The following RBM33 variants were observed in gnomAD, a reference collection of about 807,000 sequenced individuals.
RBM33 encodes the protein RNA binding motif protein 33.
In RBM33, 28 loss-of-function variants were observed where a neutral mutation model predicts 132.6. The observed-to-expected ratio is 0.21, with a 90% CI of 0.16 to 0.29. The LOEUF (loss-of-function observed/expected upper bound fraction) is 0.29. RBM33 is among the 10% of genes least tolerant of loss of function. RBM33 has a pLI of 1.00. For missense variants in RBM33, 1,291 were observed against 1,518.5 expected, an observed-to-expected ratio of 0.85 and a Z score of 2.49; for synonymous variants, 634 against 593.0, an observed-to-expected ratio of 1.07 and a Z score of -1.01.
intron 1 of RBM33, chr7:155,645,246 GC>G (rs539572557): frequency 2.4e-4 from 66 of 276,952 alleles, no homozygotes; most frequent in East Asian, 4.6e-4. Flanking sequence ...GTAGGAGAGC[GC>G]CCCCCCCACC....
At position 155,778,497 on chromosome 7, in the gene RBM33, A is replaced by G. The variant is rs183786794; in HGVS notation, c.*3456A>G. ...CAGTGTTAATAATCAACTTGCTTCT[A>G]ACACACTGGCTTATCAGGGGAGGTC... On this transcript the variant is annotated 3_prime_UTR_variant, in exon 18 of 18. Coordinates refer to ENST00000401878, the MANE Select transcript of RBM33 (RefSeq NM_053043.3). This position sits in a 1 kb window ranked among gnomAD's most constrained non-coding sequence, Gnocchi z 4.0. 6.6e-5 allele frequency: 10 copies of G among 152,350 alleles called. No individual in the cohort carries two copies. The East Asian group carries it at 1.9e-3, about 29-fold the overall frequency. The allele number at this position is 152,350 out of a possible 1,614,324, so 9.4% of individuals were successfully genotyped here. A position where few individuals can be genotyped will look rare whatever the true frequency, so the allele number is the denominator to read the frequency against.
chr7:155,672,863 C>T lies in RBM33; in HGVS notation c.123-4C>T. The T allele has an allele frequency of 1.3e-6, 2 of 1,543,066 alleles. No individual in the cohort carries two copies. The highest frequency in any genetic ancestry group is 1.8e-6 in the Non-Finnish European group (2 of 1,142,420). ...ATTGACATGTCTCTTTTTTTTCTCC[C>T]AAGTGAACTTGAAGATGATTTACTT... On this transcript the variant is annotated splice_region_variant and splice_polypyrimidine_tract_variant and intron_variant, in intron 2 of 17. Transcript: ENST00000401878.
chr7:155,742,015 G>T lies in RBM33; in HGVS notation c.2246G>T (p.Gly749Val). ...TCACCACCCTCGCGGGCCGTGGCGG[G>T]TTCCAGAAGCTCACAGGGAAAGACG... The part of the protein sequence containing the change: ...SASPPSRAVA[G>V]SRSSQGKTEV... Residue 749 changes from glycine to valine, a missense_variant, in exon 13 of 18, where the codon GGT becomes GTT. Gly to Val is a moderately radical substitution (Grantham distance 109). Coordinates refer to ENST00000401878, the MANE Select transcript of RBM33 (RefSeq NM_053043.3). 6.2e-7 allele frequency: 1 copy of T among 1,614,006 alleles called. No homozygotes were observed. The highest frequency in any genetic ancestry group is 8.5e-7 in the Non-Finnish European group (1 of 1,179,902).
rs932140525 is a variant in RBM33 at position 155,745,904 on chromosome 7, C to T, written c.2979+302C>T. 1.3e-5 allele frequency among the ~76,000 whole-genome samples: 2 copies of T among 152,210 alleles called. No homozygotes were observed. The highest frequency in any genetic ancestry group is 4.8e-5 in the African/African-American group (2 of 41,460). On this transcript the variant is annotated intron_variant, in intron 14 of 17. Coordinates refer to ENST00000401878, the MANE Select transcript of RBM33 (RefSeq NM_053043.3). This position sits in a 1 kb window ranked among gnomAD's most constrained non-coding sequence, Gnocchi z 4.1. ...GGTACAGCCTGTTGCTCCCTGGCCA[C>T]AAGCCTGTGCAGCATGTTACTGTGC... is the stretch of plus-strand genomic sequence containing the variant.
chr7:155,724,628 G>C (rs995827732), intron 9 of RBM33, among the ~76,000 whole-genome samples: 1 of 152,180 alleles, frequency 6.6e-6, no homozygotes, highest in African/African-American at 2.4e-5. Flanking sequence ...GCGTACAGGT[G>C]TGTGAGTTTC....
chr7:155,661,146 A>ATT (rs3080619), intron 1 of RBM33, among the ~76,000 whole-genome samples: 1,456 of 81,130 alleles, frequency 0.018, 72 homozygotes, highest in African/African-American at 0.033. Flanking sequence ...ATATATATAT[A>ATT]TTTTTTTTTT....
At chr7:155,754,173 G>T (rs1440652302) in intron 14 of RBM33, among the ~76,000 whole-genome samples, 2 of 152,054 alleles carry the variant, frequency 1.3e-5, no homozygotes, top group Non-Finnish European at 2.9e-5. Context: ...ATTTTTTTAG[G>T]GGTATGATGT....
chr7:155,707,388 T>A, intron 7 of RBM33: 1 of 509,268 alleles, frequency 2.0e-6, no homozygotes, highest in South Asian at 1.6e-5. Context: ...GAGGTATTTC[T>A]GAGTGCATTA....
At position 155,697,805 on chromosome 7, in the gene RBM33, G is replaced by GT. The variant is rs369211824; in HGVS notation, c.568-2961dup. Among the ~76,000 whole-genome samples, 656 of 152,002 alleles carry GT rather than the reference G, an allele frequency of 4.3e-3. 3 individuals carry two copies. Among genetic ancestry groups the GT allele is most frequent in the African/African-American group, 0.013 (548 of 41,432 alleles). ...AAATAAAGCCTAAGTGGACCTCTCT[G>GT]TTTTTTTAAGTACTTTGATGGTGAT... On this transcript the variant is annotated intron_variant, in intron 5 of 17. Transcript: ENST00000401878.
intron 14 of RBM33, among the ~76,000 whole-genome samples, chr7:155,756,633 C>T (rs1801860098): frequency 6.6e-6 from 1 of 152,062 alleles, no homozygotes. Context: ...TGAGAGATGA[C>T]ATGAAATGGT....
chr7:155,715,893 A>G (rs1800446565), intron 8 of RBM33, among the ~76,000 whole-genome samples: 1 of 152,222 alleles, frequency 6.6e-6, no homozygotes, highest in Non-Finnish European at 1.5e-5. Flanking sequence ...CTTTTTAAAA[A>G]AGCTAGCAAT....
chr7:155,757,561 C>T (rs559782377), intron 14 of RBM33, among the ~76,000 whole-genome samples: 1 of 152,104 alleles, frequency 6.6e-6, no homozygotes, highest in Non-Finnish European at 1.5e-5. Flanking sequence ...GTAAACTCCT[C>T]CCCTGGTTTT....
chr7:155,764,122 A>C, intron 15 of RBM33, 104 bp downstream of exon 15: 1 of 862,124 alleles, frequency 1.2e-6, no homozygotes, highest in Non-Finnish European at 1.7e-6. Context: ...AGTAGTACTC[A>C]CATTCATAAG....
At chr7:155,719,477 T>C (rs964231774) in intron 9 of RBM33, among the ~76,000 whole-genome samples, 3 of 152,214 alleles carry the variant, frequency 2.0e-5, no homozygotes, top group African/African-American at 7.2e-5. Flanking sequence ...TAGTTATGAA[T>C]TATGACATGG....
At chr7:155,708,487 G>A (rs117123679) in intron 7 of RBM33, among the ~76,000 whole-genome samples, 4,216 of 152,264 alleles carry the variant, frequency 0.028, 89 homozygotes, top group South Asian at 0.054. Flanking sequence ...AAAAGTTGTT[G>A]AGCTCTGTTT....
In RBM33 at chr7:155,739,855, A is replaced by ACCACAGCACCCG. The variant is rs1563169654; in HGVS notation, c.1881_1892dup (p.Pro630_His633dup). 1.3e-6 allele frequency: 1 copy of ACCACAGCACCCG among 790,546 alleles called. No homozygotes were observed. Among genetic ancestry groups the ACCACAGCACCCG allele is most frequent in the Non-Finnish European group, 1.6e-6 (1 of 622,878 alleles). The allele number at this position is 790,546 out of a possible 1,614,324, so 49.0% of individuals were successfully genotyped here. ...AGCACCAGCCCCCACCCCAGCACCC[A>ACCACAGCACCCG]CCACAGCACCCGCCGCAGCACCAGC... On this transcript the variant is annotated inframe_insertion, in exon 12 of 18. Coordinates refer to ENST00000401878, the MANE Select transcript of RBM33 (RefSeq NM_053043.3).
chr7:155,749,619 G>A (rs2117044021), intron 14 of RBM33, among the ~76,000 whole-genome samples: 1 of 152,302 alleles, frequency 6.6e-6, no homozygotes, highest in South Asian at 2.1e-4. Flanking sequence ...GATGATGATG[G>A]TTAGGTTTCA....
intron 4 of RBM33, among the ~76,000 whole-genome samples, chr7:155,679,036 G>T (rs1799261393): frequency 6.6e-6 from 1 of 152,190 alleles, no homozygotes; most frequent in Admixed American, 6.5e-5. Flanking sequence ...GCCAGGCGTA[G>T]TGGCCCGCGC....
intron 15 of RBM33, among the ~76,000 whole-genome samples, chr7:155,765,526 C>T (rs1802185260): frequency 6.6e-6 from 1 of 152,198 alleles, no homozygotes; most frequent in Admixed American, 6.5e-5. Flanking sequence ...CCAGTTTCCA[C>T]CTAACTTTCT....
Sources: gnomAD v4.1 joint callset for allele counts (sites outside exome capture counted in the v4.1 genomes callset) on GRCh38, gnomAD v4.1.1 for gene constraint, Gnocchi (gnomAD v3.1) non-coding constraint, MANE v1.5 for transcripts, NCBI Gene and HGNC (gene_info 2026-07-23, HGNC 2026-07-21) for gene names.